FARS2: variants seen among roughly 807,000 people sequenced by gnomAD.
FARS2 encodes phenylalanine--tRNA ligase, mitochondrial.
FARS2 carries 40 observed loss-of-function variants against 46.4 expected under a neutral mutation model. The ratio of observed to expected loss-of-function variants is 0.86; its 90% CI spans 0.67 to 1.12. FARS2 has a LOEUF of 1.12. FARS2 is among the 50% of genes most tolerant of loss of function. The probability of loss-of-function intolerance (pLI) is 0.00; values close to 1 mark genes in which losing one functional copy is unlikely to be tolerated. For missense variants in FARS2, 513 were observed against 567.9 expected (o/e 0.90, Z 0.98); for synonymous variants, 234 against 214.9 (o/e 1.09, Z -0.78).
At chr6:5,675,922 A>G (rs2150820648) in intron 6 of FARS2, among the ~76,000 whole-genome samples, 1 of 152,310 alleles carries the variant, frequency 6.6e-6, no homozygotes, top group South Asian at 2.1e-4. Context: ...CTCGGTCATA[A>G]TCATGGCATA....
At chr6:5,631,829 A>G (rs1438062470) in intron 6 of FARS2, among the ~76,000 whole-genome samples, 3 of 152,234 alleles carry the variant, frequency 2.0e-5, no homozygotes, top group East Asian at 3.8e-4. Context: ...TTCTCAAGCT[A>G]TAATGTAAAA....
intron 1 of FARS2, among the ~76,000 whole-genome samples, chr6:5,284,313 A>C (rs74686512): frequency 0.011 from 1,675 of 152,292 alleles, 30 homozygotes; most frequent in African/African-American, 0.038. Context: ...ATATTAAGGC[A>C]ACAGTCTTCC....
intron 6 of FARS2, among the ~76,000 whole-genome samples, chr6:5,645,312 C>A (rs1777022776): frequency 6.6e-6 from 1 of 152,182 alleles, no homozygotes; most frequent in Admixed American, 6.5e-5. Flanking sequence ...AGGCTCTGGG[C>A]CAGTGCGTCT....
chr6:5,530,550 A>C (rs1446523011), intron 4 of FARS2, among the ~76,000 whole-genome samples: 3 of 151,772 alleles, frequency 2.0e-5, no homozygotes, highest in Non-Finnish European at 4.4e-5. Flanking sequence ...ATATAAGAGA[A>C]TATCTTTGTT....
intron 1 of FARS2, among the ~76,000 whole-genome samples, chr6:5,271,148 A>G (rs765343884): frequency 6.6e-6 from 1 of 152,148 alleles, no homozygotes; most frequent in Non-Finnish European, 1.5e-5. Context: ...GTTGCCAAAG[A>G]TTCAATTTTG....
chr6:5,549,985 A>G (rs1561706108), intron 5 of FARS2, among the ~76,000 whole-genome samples: 1 of 152,206 alleles, frequency 6.6e-6, no homozygotes, highest in Non-Finnish European at 1.5e-5. Flanking sequence ...AAGCTGGTTT[A>G]TGTGACACTC....
Position 5,630,107 on chromosome 6 carries a change from A to G in FARS2, c.1217+16787A>G, listed in dbSNP as rs552053564. Among the ~76,000 whole-genome samples the G allele has an allele frequency of 8.5e-5, 13 of 152,308 alleles. No homozygotes were observed. The highest frequency in any genetic ancestry group is 2.6e-4 in the African/African-American group (11 of 41,566). On this transcript the variant is annotated intron_variant, in intron 6 of 6. Coordinates refer to ENST00000274680, the MANE Select transcript of FARS2 (RefSeq NM_006567.5). This position sits in a 1 kb window ranked among gnomAD's most constrained non-coding sequence, Gnocchi z 4.2. The stretch of plus-strand genomic sequence containing the variant: ...ACTCTTGACCACTGGAGCTCCAGAC[A>G]TGACCCAAATGCCTGGTGAATGTCT...
intron 4 of FARS2, among the ~76,000 whole-genome samples, chr6:5,508,625 C>T (rs771114024): frequency 3.5e-4 from 54 of 152,176 alleles, no homozygotes; most frequent in Non-Finnish European, 6.2e-4. Context: ...CCAAAGGGTA[C>T]AGGACAGAAG....
chr6:5,423,470 A>C (rs73718102), intron 3 of FARS2, among the ~76,000 whole-genome samples: 2 of 152,170 alleles, frequency 1.3e-5, no homozygotes, highest in Non-Finnish European at 2.9e-5. Context: ...GTGAAACTGC[A>C]CTTGCACACA....
intron 6 of FARS2, among the ~76,000 whole-genome samples, chr6:5,711,926 G>T (rs1245797906): frequency 6.6e-6 from 1 of 152,196 alleles, no homozygotes; most frequent in African/African-American, 2.4e-5. Context: ...GCTAATGTGT[G>T]ATGTTAATAT....
intron 1 of FARS2, among the ~76,000 whole-genome samples, chr6:5,361,803 A>G (rs894330098): frequency 6.6e-6 from 1 of 152,188 alleles, no homozygotes. Flanking sequence ...ATGCCTGCTC[A>G]CCATTGGCTA....
intron 1 of FARS2, among the ~76,000 whole-genome samples, chr6:5,327,592 T>C (rs1424554820): frequency 2.0e-5 from 3 of 152,224 alleles, no homozygotes; most frequent in African/African-American, 7.2e-5. Flanking sequence ...GCTCCTCCTT[T>C]GCCTTCTGCC....
chr6:5,509,327 A>G (rs1582307162), intron 4 of FARS2, among the ~76,000 whole-genome samples: 1 of 152,214 alleles, frequency 6.6e-6, no homozygotes, highest in East Asian at 1.9e-4. Context: ...GCGTATGCAG[A>G]TAAGAGAAAG....
intron 6 of FARS2, among the ~76,000 whole-genome samples, chr6:5,740,751 A>G (rs1256501967): frequency 6.6e-6 from 1 of 152,198 alleles, no homozygotes; most frequent in East Asian, 1.9e-4. Flanking sequence ...AGGCAGGGAA[A>G]CAACTCGTTA....
rs1174900913 is a variant in FARS2 at position 5,765,792 on chromosome 6, A to T, written c.1218-5499A>T. Among the ~76,000 whole-genome samples the T allele has an allele frequency of 6.6e-6, 1 of 152,062 alleles. No homozygotes were observed. The highest frequency in any genetic ancestry group is 1.5e-5 in the Non-Finnish European group (1 of 68,014). On this transcript the variant is annotated intron_variant, in intron 6 of 6. Transcript: ENST00000274680. This position sits in a 1 kb window ranked among gnomAD's most constrained non-coding sequence, Gnocchi z 4.0. ...ACCTCAGCAGGCTGCTAACTCCCGG[A>T]TGTGAGCTGGTTGAGGGCAGATACT...
At chr6:5,690,855 C>A (rs1484590071) in intron 6 of FARS2, among the ~76,000 whole-genome samples, 1 of 152,228 alleles carries the variant, frequency 6.6e-6, no homozygotes, top group Non-Finnish European at 1.5e-5. Flanking sequence ...TAGATTTGGT[C>A]TTTTCACATA....
chr6:5,331,890 A>G (rs550594470), intron 1 of FARS2, among the ~76,000 whole-genome samples: 1 of 152,212 alleles, frequency 6.6e-6, no homozygotes, highest in East Asian at 1.9e-4. Flanking sequence ...ATCATTTATG[A>G]TTTCCAAGAG....
intron 2 of FARS2, among the ~76,000 whole-genome samples, chr6:5,370,735 A>G (rs1759005638): frequency 6.6e-6 from 1 of 152,202 alleles, no homozygotes; most frequent in South Asian, 2.1e-4. Context: ...AAGATGGGAA[A>G]TAGGAAGTGG....
chr6:5,338,849 G>T (rs1213169470), intron 1 of FARS2, among the ~76,000 whole-genome samples: 2 of 152,080 alleles, frequency 1.3e-5, no homozygotes, highest in African/African-American at 2.4e-5. Flanking sequence ...CAGTGCCTTG[G>T]AACATGCAGT....
Sources: gnomAD v4.1 joint callset for allele counts (sites outside exome capture counted in the v4.1 genomes callset) on GRCh38, gnomAD v4.1.1 for gene constraint, Gnocchi (gnomAD v3.1) non-coding constraint, MANE v1.5 for transcripts, NCBI Gene and HGNC (gene_info 2026-07-23, HGNC 2026-07-21) for gene names.